CASD1: variants seen among roughly 807,000 people sequenced by gnomAD.
CASD1 encodes N-acetylneuraminate (7)9-O-acetyltransferase.
CASD1 carries 41 observed loss-of-function variants against 100.0 expected under a neutral mutation model. That is an observed-to-expected ratio of 0.41 (90% confidence interval 0.32 to 0.53). CASD1 has a LOEUF of 0.53. Among genes scored for constraint, CASD1 ranks in the 20% least tolerant of loss-of-function variants. CASD1 has a pLI of 0.25. For missense variants in CASD1, 774 were observed against 948.7 expected (o/e 0.82, Z 2.42); for synonymous variants, 321 against 315.6 (o/e 1.02, Z -0.18).
the CASD1 span, among the ~76,000 whole-genome samples, chr7:94,592,455 GATT>G: frequency 6.6e-6 from 1 of 152,116 alleles, no homozygotes; most frequent in African/African-American, 2.4e-5. Flanking sequence ...ACAATTTAAT[GATT>G]ATTAGACTAA....
At chr7:94,544,692 TCAAG>T (rs1795591042) in intron 11 of CASD1, among the ~76,000 whole-genome samples, 162 bp downstream of exon 11, 1 of 152,096 alleles carries the variant, frequency 6.6e-6, no homozygotes, top group Non-Finnish European at 1.5e-5. Context: ...GTTTAGTATT[TCAAG>T]ATAAATTATT....
At chr7:94,602,989 A>G in the CASD1 span, among the ~76,000 whole-genome samples, 1 of 152,332 alleles carries the variant, frequency 6.6e-6, no homozygotes, top group African/African-American at 2.4e-5. Context: ...ATATCATACT[A>G]ACTCCACTAT....
chr7:94,547,875 C>G (rs182195408), intron 13 of CASD1, among the ~76,000 whole-genome samples: 1 of 151,702 alleles, frequency 6.6e-6, no homozygotes, highest in Admixed American at 6.6e-5. Flanking sequence ...TTGTACCTGG[C>G]TGTATCAGGT....
At chr7:94,545,522 C>T in intron 11 of CASD1, 23 bp from the exon 12 acceptor site, 4 of 1,576,106 alleles carry the variant, frequency 2.5e-6, no homozygotes, top group Non-Finnish European at 2.6e-6. Flanking sequence ...AGAATGAAAC[C>T]ATTTTCTTCT....
the CASD1 span, chr7:94,599,606 A>C: frequency 1.0e-6 from 1 of 997,288 alleles, no homozygotes; most frequent in African/African-American, 1.6e-5. Flanking sequence ...TGACAAATGA[A>C]AAAAAGCTTG....
the CASD1 span, among the ~76,000 whole-genome samples, chr7:94,631,295 A>G: frequency 6.7e-6 from 1 of 150,290 alleles, no homozygotes; most frequent in Admixed American, 6.6e-5. Flanking sequence ...TGAGAATTTT[A>G]TACTTTTTTT....
At chr7:94,548,042 T>C (rs1228714487) in intron 13 of CASD1, among the ~76,000 whole-genome samples, 1 of 151,766 alleles carries the variant, frequency 6.6e-6, no homozygotes, top group African/African-American at 2.4e-5. Context: ...TTATAGAAGA[T>C]AAATAAGGAA....
chr7:94,579,054 A>G, the CASD1 span, among the ~76,000 whole-genome samples: 1 of 152,108 alleles, frequency 6.6e-6, no homozygotes, highest in Non-Finnish European at 1.5e-5. Context: ...AGCACCAACT[A>G]GTACCAGATA....
intron 3 of CASD1, among the ~76,000 whole-genome samples, chr7:94,519,198 TATTA>T (rs751639998): frequency 4.9e-4 from 74 of 152,164 alleles, no homozygotes; most frequent in Admixed American, 2.4e-3. Flanking sequence ...TCTTTGTATA[TATTA>T]ATTAATTAGT....
chr7:94,520,711 A>C (rs531116864), intron 3 of CASD1, among the ~76,000 whole-genome samples: 5 of 152,196 alleles, frequency 3.3e-5, no homozygotes, highest in Non-Finnish European at 5.9e-5. Context: ...TAATCCCAAC[A>C]CTTTGGGAGG....
the CASD1 span, chr7:94,623,961 A>G: frequency 2.6e-6 from 1 of 379,622 alleles, no homozygotes; most frequent in Non-Finnish European, 4.7e-6. Context: ...AACATGCTCA[A>G]AAACACAAAT....
chr7:94,524,508 G>C (rs562518121), intron 3 of CASD1, among the ~76,000 whole-genome samples: 1 of 152,036 alleles, frequency 6.6e-6, no homozygotes, highest in African/African-American at 2.4e-5. Context: ...AGATGTATTA[G>C]GCTGTGTACC....
chr7:94,575,186 T>C, the CASD1 span, among the ~76,000 whole-genome samples: 1 of 152,194 alleles, frequency 6.6e-6, no homozygotes, highest in Non-Finnish European at 1.5e-5. Flanking sequence ...GGGTATTTAG[T>C]GCTATGAATT....
the CASD1 span, among the ~76,000 whole-genome samples, chr7:94,610,419 G>T: frequency 6.6e-6 from 1 of 152,086 alleles, no homozygotes; most frequent in Non-Finnish European, 1.5e-5. Context: ...ACTCTGGTGG[G>T]GGATGTTGAT....
intron 5 of CASD1, among the ~76,000 whole-genome samples, chr7:94,531,543 C>T (rs150119070): frequency 2.0e-5 from 3 of 152,150 alleles, no homozygotes; most frequent in African/African-American, 7.2e-5. Flanking sequence ...ATGAGAAAGC[C>T]ACCTAGGGAT....
the CASD1 span, chr7:94,628,578 A>G: frequency 1.9e-6 from 1 of 529,844 alleles, no homozygotes; most frequent in Non-Finnish European, 3.4e-6. Flanking sequence ...GCAACAAAGA[A>G]AGCAGATTCA....
chr7:94,542,652 G>T (rs564959569), intron 10 of CASD1, among the ~76,000 whole-genome samples: 41 of 152,230 alleles, frequency 2.7e-4, no homozygotes, highest in Middle Eastern at 3.4e-3. Flanking sequence ...TCATGAAAAG[G>T]ATCATTATAG....
the CASD1 span, chr7:94,629,570 G>T: frequency 1.3e-6 from 1 of 748,776 alleles, no homozygotes; most frequent in Non-Finnish European, 2.3e-6. Context: ...TTTCTAATCT[G>T]TAAATGAGAA....
chr7:94,513,269 T>C (rs529615117), intron 1 of CASD1, among the ~76,000 whole-genome samples: 1 of 135,104 alleles, frequency 7.4e-6, no homozygotes, highest in African/African-American at 2.9e-5. Flanking sequence ...GAGGTTGCAG[T>C]GAGCCAAGAT....
Sources: allele counts gnomAD v4.1 joint callset (sites outside exome capture counted in the v4.1 genomes callset), GRCh38; gene constraint gnomAD v4.1.1; transcripts MANE v1.5; gene names NCBI Gene and HGNC (gene_info 2026-07-23, HGNC 2026-07-21).